Variants in GNA14 observed in about 807,000 individuals in gnomAD.
GNA14 encodes the protein guanine nucleotide-binding protein subunit alpha-14.
A neutral mutation model predicts 42.0 loss-of-function variants in GNA14; 50 were observed. That is an observed-to-expected ratio of 1.19 (90% CI 0.95 to 1.51). The LOEUF (loss-of-function observed/expected upper bound fraction) is 1.51, where lower values mean the gene tolerates loss of function less well. GNA14 is among the 40% of genes most tolerant of loss of function. The probability of loss-of-function intolerance (pLI) is 0.00; values close to 1 mark genes in which losing one functional copy is unlikely to be tolerated. For missense variants in GNA14, 473 were observed against 446.2 expected (o/e 1.06, Z -0.54); for synonymous variants, 173 against 163.1 (o/e 1.06, Z -0.46).
intron 2 of GNA14, among the ~76,000 whole-genome samples, chr9:77,447,406 G>C (rs957178177): frequency 1.3e-5 from 2 of 152,076 alleles, no homozygotes; most frequent in African/African-American, 2.4e-5. Flanking sequence ...AGACCTCCTC[G>C]TTCCTCTCTT....
rs576555479 is a variant in GNA14 at position 77,502,516 on chromosome 9, A to G, written c.309+26553T>C. Among the ~76,000 whole-genome samples the G allele has an allele frequency of 2.1e-4, 32 of 152,186 alleles. 1 individual carries two copies. The highest frequency in any genetic ancestry group is 3.4e-3 in the Middle Eastern group (1 of 294). On this transcript the variant is annotated intron_variant, in intron 2 of 6. Transcript: ENST00000341700. ...GGAGATCTGGTTCCCCCTGGCCTCC[A>G]CTGAGACCTCCCTGCTGGGAGAGGT...
intron 1 of GNA14, among the ~76,000 whole-genome samples, chr9:77,614,609 C>A (rs1823781231): frequency 6.6e-6 from 1 of 152,154 alleles, no homozygotes; most frequent in African/African-American, 2.4e-5. Flanking sequence ...TTCTCTTTAT[C>A]CCTGACCCTC....
chr9:77,440,271 G>A (rs1444183804), intron 2 of GNA14, among the ~76,000 whole-genome samples: 3 of 152,218 alleles, frequency 2.0e-5, no homozygotes, highest in Non-Finnish European at 4.4e-5. Context: ...ATGAAGTGGC[G>A]CCCTGCCGGT....
intron 2 of GNA14, among the ~76,000 whole-genome samples, chr9:77,447,999 A>C (rs1328400432): frequency 6.6e-6 from 1 of 152,216 alleles, no homozygotes; most frequent in Non-Finnish European, 1.5e-5. Context: ...ATTGGTTTCT[A>C]ACATTTGTAT....
At chr9:77,464,373 G>GTA (rs1564022425) in intron 2 of GNA14, among the ~76,000 whole-genome samples, 15 of 145,216 alleles carry the variant, frequency 1.0e-4, no homozygotes, top group Admixed American at 6.2e-4. Context: ...GTGTGTGTGT[G>GTA]TGTGTGTGTG....
chr9:77,623,461 A>C (rs114096550), intron 1 of GNA14, among the ~76,000 whole-genome samples: 2 of 152,162 alleles, frequency 1.3e-5, no homozygotes, highest in Non-Finnish European at 2.9e-5. Flanking sequence ...CATATTAATA[A>C]TACTCTCACA....
chr9:77,452,643 T>TGG lies in GNA14; in HGVS notation c.310-18122_310-18121insCC, dbSNP rs1564018404. ...TATGTATATGTGTGCGGTGTGTGTG[T>TGG]TTGTGTTTGTGTGTGTGTCTGTGTG... On this transcript the variant is annotated intron_variant, in intron 2 of 6. Transcript: ENST00000341700. Among the ~76,000 whole-genome samples, 6 of 12,902 alleles carry TGG rather than the reference T, an allele frequency of 4.7e-4. 1 individual carries two copies. Among genetic ancestry groups the TGG allele is most frequent in the African/African-American group, 3.0e-3 (1 of 328 alleles). The allele number at this position is 12,902 out of a possible 152,430, so 8.5% of individuals were successfully genotyped here.
intron 1 of GNA14, among the ~76,000 whole-genome samples, chr9:77,547,233 T>TG (rs1837731316): frequency 6.6e-6 from 1 of 152,176 alleles, no homozygotes; most frequent in Non-Finnish European, 1.5e-5. Context: ...GGAAACACAG[T>TG]GAAAAAGGTC....
chr9:77,520,694 C>T (rs1837343100), intron 2 of GNA14, among the ~76,000 whole-genome samples: 1 of 152,116 alleles, frequency 6.6e-6, no homozygotes, highest in South Asian at 2.1e-4. Flanking sequence ...GACTCCTGTG[C>T]TTGCAATTTA....
intron 1 of GNA14, among the ~76,000 whole-genome samples, chr9:77,554,222 G>T (rs772361522): frequency 2.6e-5 from 4 of 152,156 alleles, no homozygotes; most frequent in Non-Finnish European, 5.9e-5. Flanking sequence ...TTACTTTCAG[G>T]TGAAGATGAT....
At chr9:77,482,490 T>C (rs535344750) in intron 2 of GNA14, among the ~76,000 whole-genome samples, 23 of 152,306 alleles carry the variant, frequency 1.5e-4, no homozygotes, top group African/African-American at 5.1e-4. Context: ...CCTTAACATT[T>C]TTTCCTTCCT....
intron 2 of GNA14, among the ~76,000 whole-genome samples, chr9:77,450,134 C>T (rs1177336962): frequency 6.6e-6 from 1 of 152,180 alleles, no homozygotes; most frequent in Non-Finnish European, 1.5e-5. Flanking sequence ...TGGTTGCCGG[C>T]TGGTGGGACT....
chr9:77,645,532 G>C (rs575562630), intron 1 of GNA14, among the ~76,000 whole-genome samples: 1 of 152,158 alleles, frequency 6.6e-6, no homozygotes, highest in South Asian at 2.1e-4. Flanking sequence ...TCACAACTCC[G>C]CAAGATGAAA....
chr9:77,590,964 G>C (rs1358908849), intron 1 of GNA14, among the ~76,000 whole-genome samples: 6 of 151,992 alleles, frequency 3.9e-5, no homozygotes, highest in African/African-American at 1.4e-4. Context: ...ACCTCTTTTG[G>C]GGGGCAAAAG....
chr9:77,473,560 C>T (rs1262919990), intron 2 of GNA14, among the ~76,000 whole-genome samples: 1 of 151,354 alleles, frequency 6.6e-6, no homozygotes, highest in East Asian at 1.9e-4. Flanking sequence ...TGGTAACACT[C>T]CCCAACCTGA....
At chr9:77,511,033 G>A (rs1837157509) in intron 2 of GNA14, among the ~76,000 whole-genome samples, 1 of 149,446 alleles carries the variant, frequency 6.7e-6, no homozygotes, top group Non-Finnish European at 1.5e-5. Flanking sequence ...GGATTATAGG[G>A]CACCATGCAT....
chr9:77,635,517 A>C (rs1268159543), intron 1 of GNA14, among the ~76,000 whole-genome samples: 2 of 152,324 alleles, frequency 1.3e-5, no homozygotes, highest in East Asian at 1.9e-4. Context: ...GTTTTGACAT[A>C]GTATTTGAAT....
chr9:77,572,640 A>G (rs1182139201), intron 1 of GNA14, among the ~76,000 whole-genome samples: 1 of 152,178 alleles, frequency 6.6e-6, no homozygotes, highest in Non-Finnish European at 1.5e-5. Flanking sequence ...AATACAACAA[A>G]TTAGTTTGAA....
At chr9:77,633,131 GGAT>G (rs1299185313) in intron 1 of GNA14, among the ~76,000 whole-genome samples, 2 of 152,126 alleles carry the variant, frequency 1.3e-5, no homozygotes, top group Non-Finnish European at 2.9e-5. Flanking sequence ...CGGAGAAGGA[GGAT>G]GATAAGTACA....
Sources: allele counts gnomAD v4.1 joint callset (sites outside exome capture counted in the v4.1 genomes callset), GRCh38; gene constraint gnomAD v4.1.1; transcripts MANE v1.5; gene names NCBI Gene and HGNC (gene_info 2026-07-23, HGNC 2026-07-21).